Variants in CDIN1 observed in about 807,000 individuals in gnomAD.
CDIN1 encodes the protein CDAN1 interacting nuclease 1.
CDIN1 carries 33 observed loss-of-function variants against 45.3 expected under a neutral mutation model. The ratio of observed to expected loss-of-function variants is 0.73; its 90% CI spans 0.55 to 0.97. The LOEUF (loss-of-function observed/expected upper bound fraction) is 0.97. Among genes scored for constraint, CDIN1 ranks in the 50% least tolerant of loss-of-function variants. The probability of loss-of-function intolerance (pLI) is 0.00; values close to 1 mark genes in which losing one functional copy is unlikely to be tolerated. For synonymous variants in CDIN1, 118 were observed against 124.4 expected (o/e 0.95, Z 0.34); for missense variants, 303 against 339.4 (o/e 0.89, Z 0.84).
intron 1 of CDIN1, chr15:36,619,088 A>G: frequency 8.9e-7 from 1 of 1,121,020 alleles, no homozygotes. Flanking sequence ...GAGAAACCAA[A>G]TGAGAAGCCA....
At chr15:36,791,704 A>T (rs1005981725) in intron 10 of CDIN1, among the ~76,000 whole-genome samples, 3 of 152,084 alleles carry the variant, frequency 2.0e-5, no homozygotes, top group African/African-American at 7.2e-5. Flanking sequence ...AGTTAGGCAT[A>T]TTTATCTTCC....
At chr15:36,641,050 C>T (rs929874086) in intron 1 of CDIN1, 11 of 152,144 alleles carry the variant, frequency 7.2e-5, no homozygotes, top group African/African-American at 1.7e-4. Context: ...CAATTATAGC[C>T]ATCAGCTAAG....
intron 10 of CDIN1, among the ~76,000 whole-genome samples, chr15:36,761,218 TA>T (rs1182547711): frequency 6.6e-6 from 1 of 152,196 alleles, no homozygotes; most frequent in Non-Finnish European, 1.5e-5. Flanking sequence ...CTCAGGACAC[TA>T]GATATTTCAG....
intron 10 of CDIN1, among the ~76,000 whole-genome samples, chr15:36,741,653 G>T (rs113946981): frequency 5.9e-5 from 9 of 152,196 alleles, no homozygotes; most frequent in African/African-American, 1.9e-4. Context: ...GGTTCTTTCT[G>T]AGTGTCATGA....
intron 1 of CDIN1, among the ~76,000 whole-genome samples, chr15:36,616,716 C>G (rs976880496): frequency 1.3e-5 from 2 of 151,958 alleles, no homozygotes; most frequent in African/African-American, 4.8e-5. Context: ...AGTTCGAGAC[C>G]AGCCTGACCA....
rs993795969 is a variant in CDIN1, at chr15:36,810,034, GAT to G, written c.*1583_*1584del. ...TTTGAAACCACTACTGTATTGCCTG[GAT>G]ACACACACACACACACACACACACT... On this transcript the variant is annotated 3_prime_UTR_variant, in exon 11 of 11. Coordinates refer to ENST00000566621, the MANE Select transcript of CDIN1 (RefSeq NM_001321759.2). 1 of 31,938 alleles carries G rather than the reference GAT, an allele frequency of 3.1e-5. No homozygotes were observed. Among genetic ancestry groups the G allele is most frequent in the East Asian group, 1.7e-3 (1 of 604 alleles). The allele number at this position is 31,938 out of a possible 1,614,324, so 2.0% of individuals were successfully genotyped here.
At chr15:36,633,953 T>C (rs2039789645) in intron 1 of CDIN1, among the ~76,000 whole-genome samples, 1 of 152,056 alleles carries the variant, frequency 6.6e-6, no homozygotes, top group South Asian at 2.1e-4. Flanking sequence ...GAGACCACTG[T>C]GTTACCCAGG....
At chr15:36,607,832 A>G (rs1451900689) in intron 1 of CDIN1, among the ~76,000 whole-genome samples, 1 of 152,192 alleles carries the variant, frequency 6.6e-6, no homozygotes, top group Non-Finnish European at 1.5e-5. Context: ...GACCCCAAAA[A>G]GAAACCCAGT....
intron 10 of CDIN1, among the ~76,000 whole-genome samples, chr15:36,716,327 A>G (rs910987554): frequency 1.3e-5 from 2 of 152,144 alleles, no homozygotes; most frequent in Non-Finnish European, 2.9e-5. Context: ...CAAACCAACA[A>G]GCAAAGGATT....
intron 1 of CDIN1, among the ~76,000 whole-genome samples, chr15:36,633,750 A>T (rs1445333446): frequency 6.7e-6 from 1 of 149,342 alleles, no homozygotes; most frequent in Non-Finnish European, 1.5e-5. Flanking sequence ...TCCACCCATG[A>T]TACTTTTTTT....
intron 10 of CDIN1, among the ~76,000 whole-genome samples, chr15:36,721,302 A>G (rs2043408649): frequency 1.3e-5 from 2 of 151,996 alleles, no homozygotes; most frequent in Admixed American, 6.6e-5. Context: ...GTCTATTCCA[A>G]TGTAGACATT....
At chr15:36,720,066 G>GT (rs36009440) in intron 10 of CDIN1, among the ~76,000 whole-genome samples, 110,553 of 148,536 alleles carry the variant, frequency 0.74, 40,899 homozygotes, top group East Asian at 0.96. Flanking sequence ...TTTTTTATTT[G>GT]TTTTTTTATT....
intron 1 of CDIN1, chr15:36,614,332 C>G (rs7168351): frequency 0.033 from 18,360 of 548,380 alleles, 996 homozygotes; most frequent in African/African-American, 0.13. Context: ...TTCGCCACCC[C>G]CTTCTCCCCT....
At chr15:36,585,741 A>G (rs1192908352) in intron 1 of CDIN1, among the ~76,000 whole-genome samples, 1 of 152,154 alleles carries the variant, frequency 6.6e-6, no homozygotes, top group Non-Finnish European at 1.5e-5. Context: ...TAGCTTTATA[A>G]TCAACAAATA....
intron 10 of CDIN1, among the ~76,000 whole-genome samples, chr15:36,746,669 C>CACACA (rs2044448487): frequency 1.4e-5 from 2 of 141,434 alleles, no homozygotes; most frequent in African/African-American, 5.5e-5. Flanking sequence ...ATATATGGTT[C>CACACA]CACACACACA....
chr15:36,701,403 GT>G (rs1004028253), intron 8 of CDIN1, among the ~76,000 whole-genome samples: 2 of 151,996 alleles, frequency 1.3e-5, no homozygotes, highest in African/African-American at 2.4e-5. Flanking sequence ...ATTTTGCTGT[GT>G]TTTTTTGTGT....
At chr15:36,710,566 G>A (rs1246307847) in intron 10 of CDIN1, among the ~76,000 whole-genome samples, 2 of 152,152 alleles carry the variant, frequency 1.3e-5, no homozygotes, top group Admixed American at 6.6e-5. Flanking sequence ...ATGATGTGCT[G>A]TAGAGCTAGT....
At chr15:36,728,550 CT>C (rs373887720) in intron 10 of CDIN1, among the ~76,000 whole-genome samples, 27,124 of 138,754 alleles carry the variant, frequency 0.2, 2,625 homozygotes, top group East Asian at 0.36. Flanking sequence ...GTTTTTCTTC[CT>C]TTTTTTTTTT....
chr15:36,680,246 C>A (rs1219561807), intron 5 of CDIN1, among the ~76,000 whole-genome samples: 1 of 152,188 alleles, frequency 6.6e-6, no homozygotes, highest in African/African-American at 2.4e-5. Context: ...CCCATCCTGT[C>A]CGTATGCCTG....
Sources: gnomAD v4.1 joint callset for allele counts (sites outside exome capture counted in the v4.1 genomes callset) on GRCh38, gnomAD v4.1.1 for gene constraint, MANE v1.5 for transcripts, NCBI Gene and HGNC (gene_info 2026-07-23, HGNC 2026-07-21) for gene names.